The following USP43 variants were observed in gnomAD, a reference collection of about 807,000 sequenced individuals.
USP43 encodes ubiquitin specific peptidase 43.
Under a neutral mutation model 90.7 loss-of-function variants are expected in USP43, and 33 were observed. That is an observed-to-expected ratio of 0.36 (90% CI 0.28 to 0.49). The LOEUF is 0.49. USP43 is among the 20% of genes least tolerant of loss of function. The pLI is 0.98. For synonymous variants in USP43, 598 were observed against 615.8 expected, an observed-to-expected ratio of 0.97 and a Z score of 0.43; for missense variants, 1,274 against 1,476.4, an observed-to-expected ratio of 0.86 and a Z score of 2.25.
At chr17:9,666,583 G>A (rs1347509584) in intron 2 of USP43, 65 bp from the exon 3 acceptor site, 1 of 1,354,578 alleles carries the variant, frequency 7.4e-7, no homozygotes, top group Non-Finnish European at 1.0e-6. Flanking sequence ...GGGCTCGGTG[G>A]TCTGGAAGCA....
At chr17:9,650,008 T>C (rs1597808580) in intron 1 of USP43, among the ~76,000 whole-genome samples, 1 of 152,216 alleles carries the variant, frequency 6.6e-6, no homozygotes, top group East Asian at 1.9e-4. Flanking sequence ...CAATTTTAGA[T>C]CTACAGTGAT....
chr17:9,656,045 G>A (rs934774087), intron 1 of USP43, among the ~76,000 whole-genome samples: 5 of 152,182 alleles, frequency 3.3e-5, no homozygotes, highest in East Asian at 3.9e-4. Context: ...GGGAAGATTA[G>A]TGGAGCATCA....
intron 1 of USP43, 145 bp downstream of exon 1, chr17:9,646,281 T>C (rs931581862): frequency 1.7e-5 from 19 of 1,126,458 alleles, no homozygotes; most frequent in Non-Finnish European, 2.2e-5. Flanking sequence ...TTGTTTTGAG[T>C]CGATGTGTTA....
chr17:9,668,316 G>C (rs1167926473), intron 3 of USP43, among the ~76,000 whole-genome samples: 1 of 152,048 alleles, frequency 6.6e-6, no homozygotes, highest in Non-Finnish European at 1.5e-5. Context: ...CTTGCTTATA[G>C]CCATTTACTT....
Position 9,701,104 on chromosome 17 carries a change from G to A in USP43, c.1536-15G>A, listed in dbSNP as rs375698881. 58 of 1,452,838 alleles carry A rather than the reference G, an allele frequency of 4.0e-5. No homozygotes were observed. The African/African-American group carries it at 8.0e-4, about 20-fold the overall frequency. 90.0% of individuals were successfully genotyped at this position (1,452,838 alleles called of 1,614,324 possible). ...CAGGAAAGTCCTGAACGCCGTGGGT[G>A]TCCTCTCCGTGCAGCCTGTTCGGGA... On this transcript the variant is annotated splice_polypyrimidine_tract_variant and intron_variant, in intron 10 of 14. Transcript: ENST00000285199. The surrounding 1 kb of genome is among the most constrained non-coding windows in gnomAD (Gnocchi z 7.2).
At chr17:9,712,218 A>T in intron 14 of USP43, 86 bp downstream of exon 14, 1 of 1,401,090 alleles carries the variant, frequency 7.1e-7, no homozygotes, top group Non-Finnish European at 9.4e-7. Flanking sequence ...GTCACTTCGT[A>T]GTCTTGAATG....
chr17:9,657,549 T>C (rs1463647781), intron 2 of USP43, among the ~76,000 whole-genome samples: 1 of 151,902 alleles, frequency 6.6e-6, no homozygotes, highest in Non-Finnish European at 1.5e-5. Context: ...ACTGGGTAAT[T>C]TATAAGGGAA....
chr17:9,708,326 C>T (rs1262092731), intron 12 of USP43, among the ~76,000 whole-genome samples: 3 of 152,118 alleles, frequency 2.0e-5, no homozygotes, highest in Admixed American at 2.0e-4. Context: ...ACAAATCAAA[C>T]TAGTTGCTCT....
Position 9,645,700 on chromosome 17 carries a change from C to T in USP43, c.68C>T (p.Ser23Phe), listed in dbSNP as rs1911330847. 1.5e-6 allele frequency: 2 copies of T among 1,315,806 alleles called. No individual in the cohort carries two copies. Among genetic ancestry groups the T allele is most frequent in the East Asian group, 3.2e-5 (1 of 31,514 alleles). 81.5% of individuals were successfully genotyped at this position (1,315,806 alleles called of 1,614,324 possible). A position where few individuals can be genotyped will look rare whatever the true frequency, so the allele number is the denominator to read the frequency against. The part of the protein sequence containing the change: ...PLAPRPRRRR[S>F]LRRLFSRFLL... ...GCGCCCCGGCCCCGCCGCCGCCGCT[C>T]CCTGCGCCGCCTGTTCAGCCGCTTC... is the stretch of plus-strand genomic sequence containing the variant. The change falls in exon 1 of 15, where the codon TCC becomes TTC. Residue 23 changes from serine (S) to phenylalanine (F), a missense_variant. Ser to Phe is a radical substitution (Grantham distance 155, BLOSUM62 -2). Around this residue, in one of 6 missense-constraint regions of USP43, gnomAD observed 112 missense variants for 106.6 expected, o/e 1.05. Coordinates refer to ENST00000285199, the MANE Select transcript of USP43 (RefSeq NM_153210.5). The surrounding 1 kb of genome is among the most constrained non-coding windows in gnomAD (Gnocchi z 6.8).
rs950590981 is a variant in USP43 at position 9,674,427 on chromosome 17, C to T, written c.741-464C>T. Among the ~76,000 whole-genome samples the T allele has an allele frequency of 2.6e-5, 4 of 152,168 alleles. No individual in the cohort carries two copies. Among genetic ancestry groups the T allele is most frequent in the Non-Finnish European group, 5.9e-5 (4 of 68,036 alleles). On this transcript the variant is annotated intron_variant, in intron 3 of 14. Coordinates refer to ENST00000285199, the MANE Select transcript of USP43 (RefSeq NM_153210.5). The surrounding 1 kb of genome is among the most constrained non-coding windows in gnomAD (Gnocchi z 4.4). ...GTACCCAGTAAGCAGTCAGCCTCAT[C>T]CTCCCTTCCCTCAGCTCCTGGCAAC...
rs898558720 is a variant in USP43 at position 9,728,029 on chromosome 17, G to A, written c.2411G>A (p.Arg804Gln). ...SISMKAPTTS[R>Q]AKQGPFKTMP... The stretch of plus-strand genomic sequence containing the variant: ...AGCATGAAGGCACCCACCACTTCCC[G>A]AGCCAAGCAGGGACCATTCAAGACC... The change falls in exon 15 of 15, where the codon CGA becomes CAA. Residue 804 changes from arginine (R) to glutamine (Q), a missense_variant. Physicochemically the swap from Arg to Gln is conservative, Grantham distance 43 (BLOSUM62 1). Coordinates refer to ENST00000285199, the MANE Select transcript of USP43 (RefSeq NM_153210.5). This position sits in a 1 kb window ranked among gnomAD's most constrained non-coding sequence, Gnocchi z 6.2. 10 of 1,613,648 alleles carry A rather than the reference G, an allele frequency of 6.2e-6. No homozygotes were observed. The highest frequency in any genetic ancestry group is 4.5e-5 in the East Asian group (2 of 44,852).
At chr17:9,698,636 ATC>A (rs1915404656) in intron 9 of USP43, among the ~76,000 whole-genome samples, 6 of 152,300 alleles carry the variant, frequency 3.9e-5, no homozygotes, top group South Asian at 4.1e-4. Flanking sequence ...TCTAGTGACA[ATC>A]TGATTTCCAT....
intron 3 of USP43, among the ~76,000 whole-genome samples, chr17:9,669,113 G>A (rs550011017): frequency 2.6e-5 from 4 of 152,206 alleles, no homozygotes; most frequent in African/African-American, 7.2e-5. Flanking sequence ...CAAAGTGTTG[G>A]GATTACAGAC....
intron 12 of USP43, among the ~76,000 whole-genome samples, chr17:9,706,232 G>T (rs565399615): frequency 3.3e-5 from 5 of 152,210 alleles, no homozygotes; most frequent in African/African-American, 4.8e-5. Flanking sequence ...AATTCTTAAT[G>T]TACTATGAGA....
chr17:9,701,136 A>C lies in USP43; in HGVS notation c.1553A>C (p.Gln518Pro). Residue 518 changes from glutamine (Q) to proline (P), a missense_variant, in exon 11 of 15, where the codon CAG becomes CCG. This residue lies in a region of USP43 where 253 missense variants were observed against 276.0 expected (regional missense o/e 0.92). Coordinates refer to ENST00000285199, the MANE Select transcript of USP43 (RefSeq NM_153210.5). The surrounding 1 kb of genome is among the most constrained non-coding windows in gnomAD (Gnocchi z 7.2). ...CCGTGCAGCCTGTTCGGGAGCCTCC[A>C]GGAGGAGCGAGCGCAGGATGCCGAC... ...SVKERLFGSL[Q>P]EERAQDADSV... 6.7e-7 allele frequency: 1 copy of C among 1,485,440 alleles called. No homozygotes were observed. Among genetic ancestry groups the C allele is most frequent in the Non-Finnish European group, 9.0e-7 (1 of 1,114,318 alleles). 92.0% of individuals were successfully genotyped at this position (1,485,440 alleles called of 1,614,324 possible).
chr17:9,706,750 T>C (rs567100140), intron 12 of USP43, among the ~76,000 whole-genome samples: 1 of 150,528 alleles, frequency 6.6e-6, no homozygotes, highest in East Asian at 2.0e-4. Context: ...TTCTAGTGAT[T>C]CTCCTGCCTC....
intron 8 of USP43, among the ~76,000 whole-genome samples, chr17:9,688,400 G>C (rs1914727776): frequency 6.7e-6 from 1 of 150,176 alleles, no homozygotes; most frequent in African/African-American, 2.5e-5. Context: ...CACCAGGCTG[G>C]AGTGCAGTGG....
chr17:9,667,435 T>A (rs1597828052), intron 3 of USP43, among the ~76,000 whole-genome samples: 2 of 152,166 alleles, frequency 1.3e-5, no homozygotes, highest in African/African-American at 4.8e-5. Flanking sequence ...TAAAAAAAGT[T>A]ATACAGCCTT....
intron 8 of USP43, among the ~76,000 whole-genome samples, chr17:9,689,020 C>T (rs1490172539): frequency 6.6e-6 from 1 of 152,094 alleles, no homozygotes; most frequent in East Asian, 1.9e-4. Flanking sequence ...ATCAAGCAAT[C>T]AATGGGGCCA....
Sources: gnomAD v4.1 joint callset for allele counts (sites outside exome capture counted in the v4.1 genomes callset) on GRCh38, gnomAD v4.1.1 for gene constraint, gnomAD v4.1.1 regional missense constraint, Gnocchi (gnomAD v3.1) non-coding constraint, MANE v1.5 for transcripts, NCBI Gene and HGNC (gene_info 2026-07-23, HGNC 2026-07-21) for gene names.